The following TRPM3 variants were observed in gnomAD, a reference collection of about 807,000 sequenced individuals.
TRPM3 encodes the protein long transient receptor potential channel 3.
TRPM3 carries 77 observed loss-of-function variants against 181.2 expected under a neutral mutation model. That is an observed-to-expected ratio of 0.42 (90% CI 0.35 to 0.51). The LOEUF is 0.51. Ranked by LOEUF, TRPM3 falls within the 20% of genes least tolerant of loss-of-function variation. The pLI is 0.01. For synonymous variants in TRPM3, 745 were observed against 796.4 expected (o/e 0.94, Z 1.09); for missense variants, 1,759 against 2,196.7 (o/e 0.80, Z 3.98).
intron 22 of TRPM3, among the ~76,000 whole-genome samples, chr9:70,589,906 T>C (rs958516708): frequency 1.3e-5 from 2 of 152,180 alleles, no homozygotes; most frequent in African/African-American, 4.8e-5. Flanking sequence ...GCCTTGTCCC[T>C]ATTTTCCTGG....
chr9:70,949,719 A>T (rs538105957), intron 1 of TRPM3, among the ~76,000 whole-genome samples: 1 of 152,236 alleles, frequency 6.6e-6, no homozygotes, highest in Non-Finnish European at 1.5e-5. Context: ...GTAATCTTAA[A>T]GGCAATAAAT....
At chr9:70,812,490 C>G (rs1184372568) in intron 6 of TRPM3, among the ~76,000 whole-genome samples, 2 of 152,156 alleles carry the variant, frequency 1.3e-5, no homozygotes, top group African/African-American at 4.8e-5. Context: ...AAATGGCCAA[C>G]CAAGAGCAAC....
intron 1 of TRPM3, among the ~76,000 whole-genome samples, chr9:70,956,106 A>G (rs866584890): frequency 7.2e-5 from 11 of 152,164 alleles, no homozygotes; most frequent in Middle Eastern, 3.4e-3. Context: ...AATCACATGG[A>G]CCTAAATGTT....
chr9:71,371,806 T>C (rs1305316852), intron 1 of TRPM3, among the ~76,000 whole-genome samples: 3 of 152,230 alleles, frequency 2.0e-5, no homozygotes, highest in East Asian at 1.9e-4. Context: ...GTCAATCATT[T>C]TGAAAAAAAT....
chr9:70,797,420 T>C (rs956852812), intron 6 of TRPM3, among the ~76,000 whole-genome samples: 1 of 152,148 alleles, frequency 6.6e-6, no homozygotes, highest in Non-Finnish European at 1.5e-5. Flanking sequence ...TCTGTAAAAA[T>C]GTAGTGGGTT....
At chr9:71,001,808 C>T (rs2097606015) in intron 1 of TRPM3, among the ~76,000 whole-genome samples, 2 of 152,174 alleles carry the variant, frequency 1.3e-5, no homozygotes, top group African/African-American at 4.8e-5. Context: ...GTGGTGGTAG[C>T]AACTTGGAAC....
At chr9:71,437,203 G>A (rs2094055360) in intron 1 of TRPM3, among the ~76,000 whole-genome samples, 1 of 152,100 alleles carries the variant, frequency 6.6e-6, no homozygotes, top group African/African-American at 2.4e-5. Flanking sequence ...GTTGATGAAG[G>A]AAGTTTCTGC....
intron 1 of TRPM3, among the ~76,000 whole-genome samples, chr9:71,357,086 C>A (rs2091929824): frequency 6.6e-6 from 1 of 152,130 alleles, no homozygotes; most frequent in Non-Finnish European, 1.5e-5. Flanking sequence ...AGAGAGCCCA[C>A]CTGCCAGAAA....
At chr9:70,985,005 T>C (rs575555627) in intron 1 of TRPM3, among the ~76,000 whole-genome samples, 2 of 152,298 alleles carry the variant, frequency 1.3e-5, no homozygotes, top group East Asian at 1.9e-4. Context: ...CATTTTAACA[T>C]GCAGATGTGA....
At chr9:71,433,740 T>A (rs2093991348) in intron 1 of TRPM3, among the ~76,000 whole-genome samples, 1 of 152,236 alleles carries the variant, frequency 6.6e-6, no homozygotes, top group Non-Finnish European at 1.5e-5. Flanking sequence ...TGGCTTTATA[T>A]CTCTCTGACT....
chr9:70,739,213 G>A (rs1048818120), intron 8 of TRPM3, among the ~76,000 whole-genome samples: 15 of 152,274 alleles, frequency 9.9e-5, no homozygotes, highest in Middle Eastern at 3.4e-3. Context: ...GATGAGCACA[G>A]ATGCAAAAAT....
intron 1 of TRPM3, among the ~76,000 whole-genome samples, chr9:70,940,567 T>C (rs1274854862): frequency 2.6e-5 from 4 of 152,082 alleles, no homozygotes; most frequent in Non-Finnish European, 5.9e-5. Context: ...GGTGGGGAAA[T>C]AGACACTAAG....
At chr9:70,573,553 C>T (rs1328846106) in intron 22 of TRPM3, among the ~76,000 whole-genome samples, 1 of 151,918 alleles carries the variant, frequency 6.6e-6, no homozygotes, top group Non-Finnish European at 1.5e-5. Flanking sequence ...TCTAACCTCT[C>T]AATGTCAATG....
At position 70,681,546 on chromosome 9, in the gene TRPM3, G is replaced by C. The variant is rs374084857; in HGVS notation, c.1305C>G (p.His435Gln). 1.2e-6 allele frequency: 2 copies of C among 1,613,810 alleles called. No individual in the cohort carries two copies. Among genetic ancestry groups the C allele is most frequent in the African/African-American group, 2.7e-5 (2 of 74,972 alleles). Residue 435 changes from histidine (H) to glutamine (Q), a missense_variant, in exon 9 of 26, where the codon CAC (histidine) becomes CAG (glutamine). His to Gln is a conservative substitution (Grantham distance 24). Coordinates refer to ENST00000677713, the MANE Select transcript of TRPM3 (RefSeq NM_001366145.2). ...ITVFRMGSEG[H>Q]QDIDLAILTA... ...TCAGGATAGCCAAATCAATGTCCTGGTGTCCTTCTGATCCCATCCGAAATA... is the reference window on the plus strand; with the variant it reads ...TCAGGATAGCCAAATCAATGTCCTGCTGTCCTTCTGATCCCATCCGAAATA...
chr9:71,204,387 G>A (rs1349117221), intron 1 of TRPM3, among the ~76,000 whole-genome samples: 1 of 151,684 alleles, frequency 6.6e-6, no homozygotes, highest in East Asian at 1.9e-4. Flanking sequence ...ACAACCCCAT[G>A]AACAAGTAGG....
intron 6 of TRPM3, chr9:70,793,421 A>C (rs2086044729): frequency 6.5e-6 from 1 of 152,806 alleles, no homozygotes; most frequent in Non-Finnish European, 1.4e-5. Context: ...GTGCCATTGC[A>C]CCAAAGCCTC....
At chr9:70,944,790 T>C (rs1454032560) in intron 1 of TRPM3, among the ~76,000 whole-genome samples, 3 of 152,150 alleles carry the variant, frequency 2.0e-5, no homozygotes, top group African/African-American at 4.8e-5. Context: ...TAAATTTTAA[T>C]AGTGATCTCT....
intron 1 of TRPM3, among the ~76,000 whole-genome samples, chr9:71,134,017 G>A (rs1195614037): frequency 8.1e-6 from 1 of 123,658 alleles, no homozygotes; most frequent in Non-Finnish European, 1.8e-5. Flanking sequence ...GTGTGTGTGC[G>A]CGTGCGCGCG....
rs193285306 is a variant in TRPM3 at position 71,266,698 on chromosome 9, T to C, written c.183+179955A>G. Among the ~76,000 whole-genome samples the C allele has an allele frequency of 2.0e-5, 3 of 152,302 alleles. No individual in the cohort carries two copies. The East Asian group carries it at 5.8e-4, about 29-fold the overall frequency. Reference sequence around the variant, plus strand: ...ATTGTTGACTGTAGGCACAATGGTGTACAGCAGATCTCTAGAGCTTATCCA... The same window carrying C: ...ATTGTTGACTGTAGGCACAATGGTGCACAGCAGATCTCTAGAGCTTATCCA... On this transcript the variant is annotated intron_variant, in intron 1 of 24. Coordinates refer to the TRPM3 transcript ENST00000357533.
Sources: allele counts gnomAD v4.1 joint callset (sites outside exome capture counted in the v4.1 genomes callset), GRCh38; gene constraint gnomAD v4.1.1; transcripts MANE v1.5; gene names NCBI Gene and HGNC (gene_info 2026-07-23, HGNC 2026-07-21).